SNRPC: variants seen among roughly 807,000 people sequenced by gnomAD.
SNRPC encodes the protein small nuclear ribonucleoprotein polypeptide C.
In SNRPC, 5 loss-of-function variants were observed where a neutral mutation model predicts 20.0. The ratio of observed to expected loss-of-function variants is 0.25; its 90% CI spans 0.13 to 0.53. The LOEUF is 0.53. Among genes scored for constraint, SNRPC ranks in the 20% least tolerant of loss-of-function variants. The probability of loss-of-function intolerance (pLI) is 0.96; values close to 1 mark genes in which losing one functional copy is unlikely to be tolerated. For synonymous variants in SNRPC, 61 were observed against 58.7 expected, an observed-to-expected ratio of 1.04 and a Z score of -0.18; for missense variants, 112 against 224.1, an observed-to-expected ratio of 0.50 and a Z score of 3.19.
intron 4 of SNRPC, among the ~76,000 whole-genome samples, chr6:34,769,232 T>TG (rs200069544): frequency 1.4e-5 from 2 of 146,940 alleles, no homozygotes; most frequent in Non-Finnish European, 3.0e-5. Flanking sequence ...TTTCTTTCTT[T>TG]TTTTTTTTTT....
chr6:34,772,727 T>A (rs1189909270), intron 5 of SNRPC, among the ~76,000 whole-genome samples: 3 of 152,164 alleles, frequency 2.0e-5, no homozygotes, highest in Non-Finnish European at 4.4e-5. Flanking sequence ...AGTAGAACAT[T>A]ATCAATTCCA....
intron 2 of SNRPC, among the ~76,000 whole-genome samples, chr6:34,761,171 A>G (rs1478953954): frequency 6.6e-6 from 1 of 151,346 alleles, no homozygotes; most frequent in African/African-American, 2.4e-5. Flanking sequence ...ATGGAGTCTC[A>G]CTGTGTTGCC....
intron 3 of SNRPC, among the ~76,000 whole-genome samples, chr6:34,764,816 G>T (rs1764593143): frequency 6.6e-6 from 1 of 152,106 alleles, no homozygotes; most frequent in East Asian, 1.9e-4. Flanking sequence ...GAGATCAGCA[G>T]TTTGAGACCA....
intron 3 of SNRPC, 127 bp downstream of exon 3, chr6:34,762,830 A>G (rs1247917333): frequency 1.6e-6 from 1 of 638,564 alleles, no homozygotes; most frequent in African/African-American, 1.9e-5. Context: ...GTGTCGAATG[A>G]AAGAAGCAGA....
At chr6:34,769,030 G>A (rs906021918) in intron 4 of SNRPC, among the ~76,000 whole-genome samples, 2 of 152,032 alleles carry the variant, frequency 1.3e-5, no homozygotes, top group African/African-American at 4.8e-5. Flanking sequence ...TAATGTAGGT[G>A]GACCACTAAT....
chr6:34,761,267 G>A (rs1764531908), intron 2 of SNRPC, among the ~76,000 whole-genome samples: 1 of 151,536 alleles, frequency 6.6e-6, no homozygotes, highest in East Asian at 2.0e-4. Flanking sequence ...AGCCTCCCGA[G>A]TAGCTGGGAT....
intron 4 of SNRPC, 131 bp downstream of exon 4, chr6:34,768,128 T>C (rs1764638491): frequency 3.1e-6 from 2 of 635,086 alleles, no homozygotes; most frequent in Non-Finnish European, 5.0e-6. Context: ...TGTATAAATA[T>C]ATAAATGTTG....
At position 34,757,901 on chromosome 6, in the gene SNRPC, C is replaced by T. The variant is rs1344510556; in HGVS notation, c.9-11C>T. On this transcript the variant is annotated splice_polypyrimidine_tract_variant and intron_variant, in intron 1 of 5. Transcript: ENST00000244520. ...TTGTCGTCTTTTTCTCTTCCTTTCA[C>T]CTCTTTTCAGGTTTTATTGTGACTA... The T allele has an allele frequency of 1.2e-6, 2 of 1,613,548 alleles. No homozygotes were observed. The highest frequency in any genetic ancestry group is 1.7e-5 in the Admixed American group (1 of 59,990).
rs373509304 is a variant in SNRPC at position 34,757,976 on chromosome 6, A to G, written c.51+22A>G. On this transcript the variant is annotated intron_variant, in intron 2 of 5. Coordinates refer to ENST00000244520, the MANE Select transcript of SNRPC (RefSeq NM_003093.3). ...CTCTGTAAGTGGCATATCTATTCAT[A>G]GTTTCAAAAAGCCTTATGTGTAATA... is the stretch of plus-strand genomic sequence containing the variant. The G allele has an allele frequency of 1.9e-6, 3 of 1,596,038 alleles. No individual in the cohort carries two copies. The African/African-American group carries it at 4.1e-5, about 22-fold the overall frequency.
chr6:34,773,035 A>G lies in SNRPC; in HGVS notation c.356-411A>G, dbSNP rs1288697224. The G allele has an allele frequency of 1.2e-5, 2 of 168,494 alleles. No individual in the cohort carries two copies. Among genetic ancestry groups the G allele is most frequent in the African/African-American group, 2.4e-5 (1 of 41,968 alleles). The allele number at this position is 168,494 out of a possible 1,614,324, so 10.4% of individuals were successfully genotyped here. Reference sequence around the variant, plus strand: ...AAGATTGTCCTCTGTGCCTGTGTACATTCATGAAATAGCTCCTGGTTATAT... The same window carrying G: ...AAGATTGTCCTCTGTGCCTGTGTACGTTCATGAAATAGCTCCTGGTTATAT... On this transcript the variant is annotated intron_variant, in intron 5 of 5. Coordinates refer to ENST00000244520, the MANE Select transcript of SNRPC (RefSeq NM_003093.3). This position sits in a 1 kb window ranked among gnomAD's most constrained non-coding sequence, Gnocchi z 4.1.
At chr6:34,757,596 G>A in intron 1 of SNRPC, 45 bp downstream of exon 1, 2 of 1,598,744 alleles carry the variant, frequency 1.3e-6, no homozygotes, top group South Asian at 2.2e-5. Flanking sequence ...GTCACTAGTT[G>A]TGGCCCCCAT....
chr6:34,770,450 A>C (rs1273990195), intron 5 of SNRPC, 55 bp downstream of exon 5: 1 of 1,125,124 alleles, frequency 8.9e-7, no homozygotes, highest in Non-Finnish European at 1.4e-6. Flanking sequence ...GTTACTATGC[A>C]TAGCTGACAC....
intron 5 of SNRPC, among the ~76,000 whole-genome samples, chr6:34,772,671 G>A (rs1459861665): frequency 6.6e-6 from 1 of 152,072 alleles, no homozygotes; most frequent in Non-Finnish European, 1.5e-5. Flanking sequence ...AAATTATGTG[G>A]CGTAATAGTA....
Position 34,767,890 on chromosome 6 carries a change from TTTC to T in SNRPC, c.161-17_161-15del. On this transcript the variant is annotated splice_polypyrimidine_tract_variant and intron_variant, in intron 3 of 5. Transcript: ENST00000244520. The stretch of plus-strand genomic sequence containing the variant: ...TCTTATTCATCTTTTTTTTTTTTTT[TTTC>T]CTCACCCTCCAAAGCGGCTGCATTT... 1.3e-6 allele frequency: 2 copies of T among 1,516,678 alleles called. No homozygotes were observed. Among genetic ancestry groups the T allele is most frequent in the East Asian group, 2.3e-5 (1 of 42,752 alleles). The allele number at this position is 1,516,678 out of a possible 1,614,324, so 94.0% of individuals were successfully genotyped here.
intron 2 of SNRPC, among the ~76,000 whole-genome samples, chr6:34,758,593 G>T (rs556490197): frequency 4.3e-4 from 66 of 152,168 alleles, no homozygotes; most frequent in African/African-American, 1.5e-3. Context: ...GAGATTACAG[G>T]TGTGAGCCAC....
At chr6:34,768,753 C>CAAAAAAAAA (rs11284276) in intron 4 of SNRPC, among the ~76,000 whole-genome samples, 1 of 97,636 alleles carries the variant, frequency 1.0e-5, no homozygotes, top group Non-Finnish European at 2.3e-5. Context: ...GACTTTGTCT[C>CAAAAAAAAA]AAAAAAAAAA....
At chr6:34,769,321 C>T (rs955326391) in intron 4 of SNRPC, among the ~76,000 whole-genome samples, 1 of 150,850 alleles carries the variant, frequency 6.6e-6, no homozygotes, top group Non-Finnish European at 1.5e-5. Context: ...CCTCCGCCTC[C>T]TGGGTTCCCT....
intron 2 of SNRPC, among the ~76,000 whole-genome samples, chr6:34,759,971 T>G (rs1445424395): frequency 6.6e-6 from 1 of 152,174 alleles, no homozygotes; most frequent in African/African-American, 2.4e-5. Context: ...TGGAAGAAAC[T>G]GGCCAGTGAT....
intron 3 of SNRPC, among the ~76,000 whole-genome samples, 165 bp downstream of exon 3, chr6:34,762,868 A>G (rs994341740): frequency 2.0e-5 from 3 of 152,220 alleles, no homozygotes; most frequent in Admixed American, 6.5e-5. Flanking sequence ...AGGATATAAG[A>G]ACACATTAAT....
Sources: allele counts gnomAD v4.1 joint callset (sites outside exome capture counted in the v4.1 genomes callset), GRCh38; gene constraint gnomAD v4.1.1; non-coding constraint Gnocchi (gnomAD v3.1); transcripts MANE v1.5; gene names NCBI Gene and HGNC (gene_info 2026-07-23, HGNC 2026-07-21).